The following UTRN variants were observed in gnomAD, a reference collection of about 807,000 sequenced individuals.
The protein encoded by UTRN is dystrophin-related protein 1.
A neutral mutation model predicts 463.9 loss-of-function variants in UTRN; 283 were observed. The ratio of observed to expected loss-of-function variants is 0.61; its 90% CI spans 0.55 to 0.67. UTRN has a LOEUF of 0.67. Ranked by LOEUF, UTRN falls within the 30% of genes least tolerant of loss-of-function variation. The probability of loss-of-function intolerance (pLI) is 0.00; values close to 1 mark genes in which losing one functional copy is unlikely to be tolerated. For synonymous variants in UTRN, 1,442 were observed against 1,431.5 expected, an observed-to-expected ratio of 1.01 and a Z score of -0.17; for missense variants, 3,922 against 4,084.3, an observed-to-expected ratio of 0.96 and a Z score of 1.08.
At chr6:144,325,022 A>G (rs1775890233) in intron 2 of UTRN, among the ~76,000 whole-genome samples, 1 of 152,176 alleles carries the variant, frequency 6.6e-6, no homozygotes, top group African/African-American at 2.4e-5. Flanking sequence ...GCACAGGAGA[A>G]CAGAGATTTA....
chr6:144,588,108 T>C (rs1442870649), intron 51 of UTRN, among the ~76,000 whole-genome samples: 1 of 152,142 alleles, frequency 6.6e-6, no homozygotes, highest in Non-Finnish European at 1.5e-5. Flanking sequence ...GTTTCTGCAC[T>C]TCCTAGTCAG....
Position 144,499,341 on chromosome 6 carries a change from C to T in UTRN, c.4678C>T (p.Leu1560Phe). The T allele has an allele frequency of 2.5e-6, 4 of 1,613,930 alleles. No individual in the cohort carries two copies. The highest frequency in any genetic ancestry group is 3.4e-6 in the Non-Finnish European group (4 of 1,179,888). The change falls in exon 34 of 75, where the codon CTT becomes TTT. Residue 1560 changes from leucine (L) to phenylalanine (F), a missense_variant. Physicochemically the swap from Leu to Phe is conservative, Grantham distance 22 (BLOSUM62 0). Around this residue, in one of 3 missense-constraint regions of UTRN, gnomAD observed 2,349 missense variants for 2,303.8 expected, o/e 1.02. Transcript: ENST00000367545. Reference sequence around the variant, plus strand: ...AGAGGCTGCTTCTCTCTCTGAATGGCTTTCTGCTACTGAAACTGAATTGGT... The same window carrying T: ...AGAGGCTGCTTCTCTCTCTGAATGGTTTTCTGCTACTGAAACTGAATTGGT... The part of the protein sequence containing the change: ...KKEAASLSEW[L>F]SATETELVQK...
chr6:144,565,548 A>C (rs1800327390), intron 50 of UTRN, among the ~76,000 whole-genome samples: 1 of 152,192 alleles, frequency 6.6e-6, no homozygotes, highest in Admixed American at 6.5e-5. Context: ...AAAGGGACTC[A>C]GAAAAAATTT....
intron 50 of UTRN, among the ~76,000 whole-genome samples, chr6:144,559,230 C>T (rs1215034134): frequency 6.6e-6 from 1 of 151,948 alleles, no homozygotes; most frequent in East Asian, 1.9e-4. Context: ...TTTATCATAG[C>T]TAAGACAATT....
At chr6:144,849,561 G>A (rs1445406543) in intron 74 of UTRN, among the ~76,000 whole-genome samples, 2 of 152,036 alleles carry the variant, frequency 1.3e-5, no homozygotes, top group African/African-American at 2.4e-5. Flanking sequence ...AATACAAGAG[G>A]CCCCTTTCCC....
At chr6:144,762,373 A>G (rs1416404924) in intron 58 of UTRN, among the ~76,000 whole-genome samples, 3 of 152,204 alleles carry the variant, frequency 2.0e-5, no homozygotes, top group Admixed American at 6.5e-5. Flanking sequence ...GGAGGATAGT[A>G]GTGGAGAAAG....
intron 32 of UTRN, among the ~76,000 whole-genome samples, chr6:144,491,873 A>G (rs1793105611): frequency 6.6e-6 from 1 of 152,314 alleles, no homozygotes; most frequent in South Asian, 2.1e-4. Flanking sequence ...ACAGCGTCCT[A>G]TGAGATGTTG....
chr6:144,647,590 T>C (rs886791163), intron 51 of UTRN, among the ~76,000 whole-genome samples: 1 of 152,258 alleles, frequency 6.6e-6, no homozygotes, highest in Non-Finnish European at 1.5e-5. Flanking sequence ...ACAGATGTCC[T>C]TGTGCAAGCT....
At chr6:144,525,891 C>T (rs376456387) in intron 41 of UTRN, among the ~76,000 whole-genome samples, 1 of 152,036 alleles carries the variant, frequency 6.6e-6, no homozygotes. Flanking sequence ...TCACTATTAT[C>T]GTTCAGTTCA....
intron 54 of UTRN, among the ~76,000 whole-genome samples, chr6:144,731,408 G>A (rs1202852408): frequency 6.6e-6 from 1 of 152,102 alleles, no homozygotes; most frequent in East Asian, 1.9e-4. Context: ...ATTCAAAATC[G>A]TTTTTCATCA....
At chr6:144,735,732 C>G (rs1262362184) in intron 54 of UTRN, among the ~76,000 whole-genome samples, 1 of 151,942 alleles carries the variant, frequency 6.6e-6, no homozygotes, top group Non-Finnish European at 1.5e-5. Context: ...TGTTACATCA[C>G]TAAAACGCCA....
intron 58 of UTRN, among the ~76,000 whole-genome samples, chr6:144,758,652 A>G (rs1338333590): frequency 3.9e-5 from 6 of 152,092 alleles, no homozygotes; most frequent in Non-Finnish European, 7.4e-5. Context: ...ACAGGCTCTT[A>G]GTAGGCGTTG....
chr6:144,517,379 T>C (rs1286673297), intron 39 of UTRN, among the ~76,000 whole-genome samples: 2 of 151,714 alleles, frequency 1.3e-5, no homozygotes, highest in African/African-American at 4.9e-5. Flanking sequence ...TTTTTTTTTT[T>C]TAAAGATGGG....
chr6:144,495,379 G>T (rs551697195), intron 33 of UTRN, among the ~76,000 whole-genome samples: 1 of 152,388 alleles, frequency 6.6e-6, no homozygotes, highest in East Asian at 1.9e-4. Context: ...ACCCTCCACA[G>T]CCGCTGGCCC....
chr6:144,517,806 T>C (rs1386453042), intron 39 of UTRN, among the ~76,000 whole-genome samples: 1 of 152,188 alleles, frequency 6.6e-6, no homozygotes, highest in African/African-American at 2.4e-5. Context: ...GGCTGTACCA[T>C]CTAGGTTTGT....
chr6:144,808,563 G>T (rs1778345797), intron 65 of UTRN, among the ~76,000 whole-genome samples: 1 of 151,994 alleles, frequency 6.6e-6, no homozygotes, highest in Non-Finnish European at 1.5e-5. Flanking sequence ...TAGTCTGTTA[G>T]TGAATTTCAA....
At position 144,516,881 on chromosome 6, in the gene UTRN, A is replaced by G; in HGVS notation, c.5474A>G (p.Glu1825Gly). 6.6e-7 allele frequency: 1 copy of G among 1,514,170 alleles called. No individual in the cohort carries two copies. The highest frequency in any genetic ancestry group is 8.8e-7 in the Non-Finnish European group (1 of 1,132,608). The allele number at this position is 1,514,170 out of a possible 1,614,324, so 93.8% of individuals were successfully genotyped here. Reference protein sequence around the residue: ...RGEEMLHQPMEDNKKEKIRLQ... With the variant: ...RGEEMLHQPMGDNKKEKIRLQ... ...GAAGAAATGTTACATCAACCTATGG[A>G]AGATAATAAAAAAGAAAAGATCCGT... Residue 1825 changes from glutamate (E) to glycine (G), a missense_variant, in exon 39 of 75, where the codon GAA becomes GGA. Glu to Gly is a moderately conservative substitution (Grantham distance 98, BLOSUM62 -2). Around this residue, in one of 3 missense-constraint regions of UTRN, gnomAD observed 2,349 missense variants for 2,303.8 expected, o/e 1.02. Coordinates refer to ENST00000367545, the MANE Select transcript of UTRN (RefSeq NM_007124.3).
intron 48 of UTRN, among the ~76,000 whole-genome samples, chr6:144,552,304 A>G (rs1417844187): frequency 1.3e-5 from 2 of 152,180 alleles, no homozygotes; most frequent in African/African-American, 2.4e-5. Context: ...TATTTTTACT[A>G]AATACATCAT....
chr6:144,768,395 G>A (rs1478053961), intron 58 of UTRN, among the ~76,000 whole-genome samples: 3 of 152,100 alleles, frequency 2.0e-5, no homozygotes, highest in African/African-American at 7.2e-5. Flanking sequence ...ATTATACCAG[G>A]ATGCTGATAT....
Sources: gnomAD v4.1 joint callset for allele counts (sites outside exome capture counted in the v4.1 genomes callset) on GRCh38, gnomAD v4.1.1 for gene constraint, gnomAD v4.1.1 regional missense constraint, MANE v1.5 for transcripts, NCBI Gene and HGNC (gene_info 2026-07-23, HGNC 2026-07-21) for gene names.